FANCA: variants seen among roughly 807,000 people sequenced by gnomAD.
FANCA encodes the protein Fanconi anemia group A protein.
Under a neutral mutation model 194.3 loss-of-function variants are expected in FANCA, and 236 were observed. The observed-to-expected ratio is 1.21, with a 90% confidence interval of 1.09 to 1.35. The LOEUF (loss-of-function observed/expected upper bound fraction) is 1.35, where lower values mean the gene tolerates loss of function less well. FANCA is among the 40% of genes most tolerant of loss of function. The pLI is 0.00. For synonymous variants in FANCA, 1,014 were observed against 715.8 expected, an observed-to-expected ratio of 1.42 and a Z score of -6.65; for missense variants, 2,628 against 1,813.9, an observed-to-expected ratio of 1.45 and a Z score of -8.15.
At chr16:89,768,788 A>G (rs908319323) in intron 26 of FANCA, among the ~76,000 whole-genome samples, 1 of 152,170 alleles carries the variant, frequency 6.6e-6, no homozygotes, top group Non-Finnish European at 1.5e-5. Flanking sequence ...TCACCTGGAT[A>G]TATATCCTGA....
intron 33 of FANCA, among the ~76,000 whole-genome samples, chr16:89,747,707 T>A (rs974541178): frequency 8.6e-5 from 13 of 151,634 alleles, no homozygotes; most frequent in African/African-American, 2.4e-4. Flanking sequence ...TCTCAAAAAA[T>A]AAATAAATAA....
chr16:89,782,436 A>G (rs906228296), intron 17 of FANCA, among the ~76,000 whole-genome samples: 1 of 151,592 alleles, frequency 6.6e-6, no homozygotes, highest in Non-Finnish European at 1.5e-5. Flanking sequence ...GCGTGAACCC[A>G]GGAGGCAGAG....
In FANCA at chr16:89,783,114, TAGC is replaced by T; in HGVS notation, c.1471-15_1471-13del. On this transcript the variant is annotated splice_polypyrimidine_tract_variant and intron_variant, in intron 15 of 42. Transcript: ENST00000389301. ...TGGAGAATGTGCACCTGAGGATAGA[TAGC>T]AGAGCGCAGCACCGTTAGTCTGGGA... 6.3e-7 allele frequency: 1 copy of T among 1,597,490 alleles called. No homozygotes were observed. The highest frequency in any genetic ancestry group is 8.6e-7 in the Non-Finnish European group (1 of 1,165,650).
In FANCA at chr16:89,770,644, C is replaced by G. The variant is rs557705265; in HGVS notation, c.2152-10G>C. The G allele has an allele frequency of 1.6e-4, 257 of 1,602,358 alleles. 2 individuals are homozygous for G. In the South Asian group the frequency reaches 2.8e-3, roughly 17 times the overall value. ...GCAGGAGGTCCACAGCCTGCAGAGA[C>G]ACAGTTCTCATGAGCGTGGTGTCCT... On this transcript the variant is annotated splice_polypyrimidine_tract_variant and intron_variant, in intron 23 of 42. Coordinates refer to ENST00000389301, the MANE Select transcript of FANCA (RefSeq NM_000135.4).
chr16:89,780,210 C>G (rs1736733802), intron 17 of FANCA, among the ~76,000 whole-genome samples: 1 of 152,174 alleles, frequency 6.6e-6, no homozygotes, highest in Admixed American at 6.5e-5. Flanking sequence ...GTGCGGCCCT[C>G]CTCGAGAGCT....
intron 39 of FANCA, 83 bp from the exon 40 acceptor site, chr16:89,739,636 G>A (rs915562439): frequency 8.6e-6 from 13 of 1,513,808 alleles, no homozygotes; most frequent in African/African-American, 4.1e-5. Flanking sequence ...GGGTCGGGAC[G>A]TGTACCCTGG....
Position 89,738,200 on chromosome 16 carries a change from CCT to C in FANCA, c.*399_*400del. The C allele has an allele frequency of 6.2e-7, 1 of 1,611,414 alleles. No individual in the cohort carries two copies. The highest frequency in any genetic ancestry group is 8.5e-7 in the Non-Finnish European group (1 of 1,179,178). Reference sequence around the variant, plus strand: ...GAACCACCACCTGGGCCACCGAGCCCCTCTGTGACCACAGAGGGCCAGGCGGT... The same window carrying C: ...GAACCACCACCTGGGCCACCGAGCCCCTGTGACCACAGAGGGCCAGGCGGT... On this transcript the variant is annotated 3_prime_UTR_variant, in exon 43 of 43. Transcript: ENST00000389301.
intron 10 of FANCA, among the ~76,000 whole-genome samples, chr16:89,797,139 G>A (rs1481889256): frequency 6.6e-6 from 1 of 151,810 alleles, no homozygotes; most frequent in African/African-American, 2.4e-5. Context: ...CAGCATGGGC[G>A]ACAGAGCGAA....
chr16:89,779,058 C>T, intron 18 of FANCA, 55 bp from the exon 19 acceptor site: 1 of 1,547,966 alleles, frequency 6.5e-7, no homozygotes, highest in East Asian at 2.3e-5. Flanking sequence ...AAGGCAATTC[C>T]CACAGACGGT....
At position 89,778,977 on chromosome 16, in the gene FANCA, G is replaced by C. The variant is rs747762620; in HGVS notation, c.1742C>G (p.Ser581Cys). The C allele has an allele frequency of 1.2e-6, 2 of 1,614,016 alleles. No homozygotes were observed. Among genetic ancestry groups the C allele is most frequent in the East Asian group, 2.2e-5 (1 of 44,888 alleles). Residue 581 changes from serine (S) to cysteine (C), a missense_variant, in exon 19 of 43, where the codon TCC becomes TGC. Physicochemically the swap from Ser to Cys is moderately radical, Grantham distance 112. Coordinates refer to ENST00000389301, the MANE Select transcript of FANCA (RefSeq NM_000135.4). Reference protein sequence around the residue: ...ASIFRRPYYVSHFLPALLTPR... With the variant: ...ASIFRRPYYVCHFLPALLTPR... ...TGTGAGCAGGGCGGGGAGGAAGTGG[G>C]ACACGTAGTAAGGCCTCCTGAATAT...
In FANCA at chr16:89,771,799, A is replaced by G; in HGVS notation, c.2030T>C (p.Val677Ala). ...CCTCAGTCTTTCAGAAATCACTGCC[A>G]CCTGTGCCGATATAACTGCGAAGGA... Reference protein sequence around the residue: ...PSQRDVISAQVAVISERLRAV... With the variant: ...PSQRDVISAQAAVISERLRAV... The change falls in exon 23 of 43, where the codon GTG (valine) becomes GCG (alanine). Residue 677 changes from valine (V) to alanine (A), a missense_variant. Coordinates refer to ENST00000389301, the MANE Select transcript of FANCA (RefSeq NM_000135.4). The G allele has an allele frequency of 3.1e-6, 5 of 1,613,866 alleles. No homozygotes were observed. Among genetic ancestry groups the G allele is most frequent in the Non-Finnish European group, 4.2e-6 (5 of 1,180,018 alleles).
rs17225768 is a variant in FANCA at position 89,814,070 on chromosome 16, G to A, written c.283+450C>T. Among the ~76,000 whole-genome samples the A allele has an allele frequency of 7.2e-3, 1,091 of 152,228 alleles. 12 individuals carry two copies. Among genetic ancestry groups the A allele is most frequent in the African/African-American group, 0.025 (1,036 of 41,536 alleles). On this transcript the variant is annotated intron_variant, in intron 3 of 42. Coordinates refer to ENST00000389301, the MANE Select transcript of FANCA (RefSeq NM_000135.4). Reference sequence around the variant, plus strand: ...CTGAAGGTTATTTTAACAGAAACAAGTCATCACATAAGGACGTGAAGGATC... The same window carrying A: ...CTGAAGGTTATTTTAACAGAAACAAATCATCACATAAGGACGTGAAGGATC...
chr16:89,809,785 G>A (rs572359232), intron 5 of FANCA, among the ~76,000 whole-genome samples: 18 of 151,508 alleles, frequency 1.2e-4, no homozygotes, highest in Non-Finnish European at 2.1e-4. Context: ...CCCGGGAGGC[G>A]GACGTTGCGA....
chr16:89,773,471 G>A, intron 21 of FANCA, 87 bp from the exon 22 acceptor site: 1 of 994,512 alleles, frequency 1.0e-6, no homozygotes, highest in African/African-American at 1.6e-5. Flanking sequence ...GTCAAATACA[G>A]AGCTGTGAAC....
rs1392684249 is a variant in FANCA, at chr16:89,792,606, TG to T, written c.1007-60del. On this transcript the variant is annotated intron_variant, in intron 11 of 42. Transcript: ENST00000389301. ...CAGAGATCAAAAAGTTGTGGGTTTT[TG>T]TTAAGGACCAGCCCCACAGGGTCGG... is the stretch of plus-strand genomic sequence containing the variant. 22 of 1,494,476 alleles carry T rather than the reference TG, an allele frequency of 1.5e-5. No individual in the cohort carries two copies. The Admixed American group carries it at 2.1e-4, about 14-fold the overall frequency. 92.6% of individuals were successfully genotyped at this position (1,494,476 alleles called of 1,614,324 possible). A position where few individuals can be genotyped will look rare whatever the true frequency, so the allele number is the denominator to read the frequency against.
At chr16:89,802,570 T>G (rs2040493845) in intron 8 of FANCA, among the ~76,000 whole-genome samples, 1 of 151,980 alleles carries the variant, frequency 6.6e-6, no homozygotes, top group East Asian at 1.9e-4. Context: ...CCCGGCTAAT[T>G]TTTTCTATTT....
rs1247378731 is a variant in FANCA, at chr16:89,767,213, G to T, written c.2529C>A (p.Tyr843Ter). 1 of 1,613,000 alleles carries T rather than the reference G, an allele frequency of 6.2e-7. No homozygotes were observed. Among genetic ancestry groups the T allele is most frequent in the Admixed American group, 1.7e-5 (1 of 60,030 alleles). The stretch of plus-strand genomic sequence containing the variant: ...ACTGGGAAGAAAACTTGCAGAGAGA[G>T]TAAGAAATTGCTGCTGTACAAAATC... The part of the protein sequence containing the change: ...CLKFCTAAIS[Y>*]SLCKFSSQSR... The change falls in exon 27 of 43, where the codon TAC (tyrosine) becomes TAA (stop). Residue 843 changes from tyrosine to a stop codon, truncating the protein, a stop_gained. Coordinates refer to ENST00000389301, the MANE Select transcript of FANCA (RefSeq NM_000135.4). LOFTEE classifies it high-confidence loss of function.
rs55773634 is a variant in FANCA at position 89,744,994 on chromosome 16, C to T, written c.3591G>A (p.Leu1197=). The T allele has an allele frequency of 5.0e-4, 798 of 1,611,648 alleles. 5 individuals are homozygous for T. In the African/African-American group the frequency reaches 9.9e-3, roughly 20 times the overall value. Residue 1197 remains leucine, a synonymous_variant, in exon 36 of 43, where the codon CTG becomes CTA. Transcript: ENST00000389301. ...ACTGCCGGCCTTCTTGTAGCTTCTGCAGTTCCCGGGGCAGCGGGCTCTGGC... is the reference window on the plus strand; with the variant it reads ...ACTGCCGGCCTTCTTGTAGCTTCTGTAGTTCCCGGGGCAGCGGGCTCTGGC... ...RHCQSPLPRE[L]QKLQEGRQFA... is the part of the protein sequence containing the mutation.
At chr16:89,776,121 T>C (rs982832054) in intron 20 of FANCA, among the ~76,000 whole-genome samples, 1 of 151,024 alleles carries the variant, frequency 6.6e-6, no homozygotes, top group Non-Finnish European at 1.5e-5. Context: ...ATACAATTTT[T>C]GGTAATTTCC....
Sources: allele counts gnomAD v4.1 joint callset (sites outside exome capture counted in the v4.1 genomes callset), GRCh38; gene constraint gnomAD v4.1.1; transcripts MANE v1.5; gene names NCBI Gene and HGNC (gene_info 2026-07-23, HGNC 2026-07-21).